Variants in CALD1 observed in about 807,000 individuals in gnomAD.
The protein encoded by CALD1 is caldesmon 1.
In CALD1, 33 loss-of-function variants were observed where a neutral mutation model predicts 99.9. The ratio of observed to expected loss-of-function variants is 0.33; its 90% CI spans 0.25 to 0.44. The LOEUF (loss-of-function observed/expected upper bound fraction) is 0.44, where lower values mean the gene tolerates loss of function less well. Ranked by LOEUF, CALD1 falls within the 20% of genes least tolerant of loss-of-function variation. The pLI is 1.00. For synonymous variants in CALD1, 310 were observed against 325.0 expected (o/e 0.95, Z 0.50); for missense variants, 861 against 962.1 (o/e 0.89, Z 1.39).
At chr7:134,947,369 C>A in intron 7 of CALD1, 139 bp from the exon 8 acceptor site, 1 of 839,816 alleles carries the variant, frequency 1.2e-6, no homozygotes, top group Non-Finnish European at 1.8e-6. Flanking sequence ...CAGACCCCTT[C>A]CCCAGCCTAC....
the CALD1 span, among the ~76,000 whole-genome samples, chr7:134,711,699 TGTG>T: frequency 2.3e-5 from 3 of 132,822 alleles, no homozygotes; most frequent in Non-Finnish European, 4.8e-5. Flanking sequence ...TGTGTGTGTG[TGTG>T]TGTGTGTGTG....
chr7:134,925,541 AC>A (rs1804939672), intron 3 of CALD1, among the ~76,000 whole-genome samples: 1 of 152,182 alleles, frequency 6.6e-6, no homozygotes, highest in Non-Finnish European at 1.5e-5. Context: ...CAGGAAACTT[AC>A]AATCATGGAG....
chr7:134,958,028 T>C (rs770236744), intron 9 of CALD1, 41 bp from the exon 10 acceptor site: 3 of 1,454,082 alleles, frequency 2.1e-6, no homozygotes, highest in Middle Eastern at 4.8e-4. Flanking sequence ...GTTTATAAGC[T>C]TGAAATATTA....
upstream of CALD1, among the ~76,000 whole-genome samples, chr7:134,741,970 T>C (rs76501725): frequency 0.054 from 8,205 of 151,822 alleles, 337 homozygotes; most frequent in Non-Finnish European, 0.071. Flanking sequence ...GTTAAGGATA[T>C]AGAAGTCCTG....
At chr7:134,901,167 G>GT (rs74735841) in intron 3 of CALD1, among the ~76,000 whole-genome samples, 4,560 of 139,234 alleles carry the variant, frequency 0.033, 202 homozygotes, top group African/African-American at 0.098. Context: ...GAGAAGTAGG[G>GT]TTTTTTTTTT....
intron 2 of CALD1, among the ~76,000 whole-genome samples, chr7:134,866,662 T>C (rs1372446037): frequency 6.6e-6 from 1 of 152,202 alleles, no homozygotes; most frequent in African/African-American, 2.4e-5. Flanking sequence ...TACAGCTCCT[T>C]ATTTTTTCAC....
At chr7:134,955,520 G>A (rs1214549781) in intron 9 of CALD1, among the ~76,000 whole-genome samples, 1 of 152,208 alleles carries the variant, frequency 6.6e-6, no homozygotes, top group Non-Finnish European at 1.5e-5. Flanking sequence ...CAAAATCAAG[G>A]TGCAAGCAGA....
At chr7:134,872,126 G>T (rs1332621545) in intron 3 of CALD1, among the ~76,000 whole-genome samples, 3 of 152,172 alleles carry the variant, frequency 2.0e-5, no homozygotes, top group Non-Finnish European at 4.4e-5. Flanking sequence ...CCAGCACTCT[G>T]GGAGGCTGAG....
At chr7:134,909,483 G>C (rs1442543845) in intron 3 of CALD1, among the ~76,000 whole-genome samples, 1 of 152,324 alleles carries the variant, frequency 6.6e-6, no homozygotes, top group East Asian at 1.9e-4. Context: ...AGGAGTTCGA[G>C]ACCAGCCTGG....
chr7:134,788,622 AG>A (rs1161843707), intron 1 of CALD1, among the ~76,000 whole-genome samples: 1 of 152,228 alleles, frequency 6.6e-6, no homozygotes, highest in Non-Finnish European at 1.5e-5. Context: ...GCTCTATGAA[AG>A]TAGAGACTTT....
At chr7:134,827,454 C>A (rs1026812456) in intron 1 of CALD1, among the ~76,000 whole-genome samples, 2 of 152,184 alleles carry the variant, frequency 1.3e-5, no homozygotes, top group Non-Finnish European at 2.9e-5. Context: ...ACACGTTACC[C>A]CATTTCCCTC....
chr7:134,794,820 GATAGA>G (rs371773623), intron 1 of CALD1, among the ~76,000 whole-genome samples: 3 of 152,264 alleles, frequency 2.0e-5, no homozygotes, highest in African/African-American at 7.2e-5. Flanking sequence ...TAGGCAACAA[GATAGA>G]ATAAATATTT....
chr7:134,917,495 C>T (rs914390543), intron 3 of CALD1, among the ~76,000 whole-genome samples: 5 of 152,110 alleles, frequency 3.3e-5, no homozygotes, highest in East Asian at 3.9e-4. Context: ...ATTACAGGTG[C>T]GCACCACCAC....
chr7:134,776,249 C>A (rs557440056), upstream of CALD1, among the ~76,000 whole-genome samples: 2 of 151,982 alleles, frequency 1.3e-5, no homozygotes, highest in African/African-American at 4.8e-5. Context: ...TTAAGCATGA[C>A]GTTTGCTATA....
At chr7:134,873,557 G>A (rs1279572799) in intron 3 of CALD1, among the ~76,000 whole-genome samples, 5 of 152,208 alleles carry the variant, frequency 3.3e-5, no homozygotes, top group Non-Finnish European at 7.3e-5. Flanking sequence ...ACGGACCGCC[G>A]CCGGCCCCAG....
intron 2 of CALD1, among the ~76,000 whole-genome samples, chr7:134,851,247 A>G (rs1320805312): frequency 6.6e-6 from 1 of 152,176 alleles, no homozygotes; most frequent in African/African-American, 2.4e-5. Context: ...GTCATGCCTG[A>G]TATAAATGAA....
At chr7:134,850,390 T>G (rs1275943932) in intron 2 of CALD1, among the ~76,000 whole-genome samples, 3 of 152,174 alleles carry the variant, frequency 2.0e-5, no homozygotes, top group Admixed American at 6.5e-5. Context: ...GGGGCTGAGT[T>G]GCCTGGATGT....
intron 1 of CALD1, among the ~76,000 whole-genome samples, chr7:134,758,518 G>GTGTGTGTGTT: frequency 8.7e-6 from 1 of 115,232 alleles, no homozygotes; most frequent in South Asian, 2.8e-4. Context: ...GTGTGTGTGT[G>GTGTGTGTGTT]TGTGTGTGTG....
At chr7:134,911,689 C>G (rs1037576256) in intron 3 of CALD1, among the ~76,000 whole-genome samples, 6 of 152,172 alleles carry the variant, frequency 3.9e-5, no homozygotes, top group Non-Finnish European at 2.9e-5. Flanking sequence ...ACCTCTTATT[C>G]AGGTATAGGT....
Sources: gnomAD v4.1 joint callset for allele counts (sites outside exome capture counted in the v4.1 genomes callset) on GRCh38, gnomAD v4.1.1 for gene constraint, MANE v1.5 for transcripts, NCBI Gene and HGNC (gene_info 2026-07-23, HGNC 2026-07-21) for gene names.